SCAPER: variants seen among roughly 807,000 people sequenced by gnomAD.
The protein encoded by SCAPER is S-phase cyclin A associated protein in the ER.
A neutral mutation model predicts 182.2 loss-of-function variants in SCAPER; 98 were observed. The ratio of observed to expected loss-of-function variants is 0.54; its 90% CI spans 0.46 to 0.64. The LOEUF (loss-of-function observed/expected upper bound fraction) is 0.64, where lower values mean the gene tolerates loss of function less well. Among genes scored for constraint, SCAPER ranks in the 30% least tolerant of loss-of-function variants. The pLI, the probability that SCAPER is intolerant of heterozygous loss-of-function variation, is 0.00. For synonymous variants in SCAPER, 605 were observed against 564.6 expected, an observed-to-expected ratio of 1.07 and a Z score of -1.01; for missense variants, 1,432 against 1,690.0, an observed-to-expected ratio of 0.85 and a Z score of 2.68.
At chr15:76,502,588 G>T (rs2041234666) in intron 24 of SCAPER, among the ~76,000 whole-genome samples, 1 of 152,068 alleles carries the variant, frequency 6.6e-6, no homozygotes, top group Admixed American at 6.6e-5. Context: ...GGGAGGAGGG[G>T]GGAGGGATAG....
chr15:76,798,865 T>C lies in SCAPER; in HGVS notation c.611+1383A>G, dbSNP rs139762202. On this transcript the variant is annotated intron_variant, in intron 7 of 31. Coordinates refer to ENST00000563290, the MANE Select transcript of SCAPER (RefSeq NM_020843.4). ...CGAGAACATCTGTTCCTAACAGACC[T>C]GTCCAACAAGAAATACTAAAGGGAG... 2.7e-3 allele frequency among the ~76,000 whole-genome samples: 413 copies of C among 150,680 alleles called. 1 individual carries two copies. Among genetic ancestry groups the C allele is most frequent in the Middle Eastern group, 6.8e-3 (2 of 294 alleles).
chr15:76,445,185 C>T (rs1457222198), intron 25 of SCAPER, among the ~76,000 whole-genome samples: 1 of 152,102 alleles, frequency 6.6e-6, no homozygotes, highest in African/African-American at 2.4e-5. Context: ...CTTTGCATAC[C>T]CATAGCTTAG....
At chr15:76,827,653 G>C (rs2068122265) in intron 5 of SCAPER, among the ~76,000 whole-genome samples, 1 of 152,128 alleles carries the variant, frequency 6.6e-6, no homozygotes, top group African/African-American at 2.4e-5. Flanking sequence ...AGGAAAGAGG[G>C]AAGGAGCTTG....
At chr15:76,361,065 T>C (rs1349060470) in intron 29 of SCAPER, among the ~76,000 whole-genome samples, 1 of 150,994 alleles carries the variant, frequency 6.6e-6, no homozygotes, top group Non-Finnish European at 1.5e-5. Flanking sequence ...TAGTGAGTGA[T>C]CACGAATCTG....
chr15:76,547,482 T>C (rs157772), intron 23 of SCAPER, among the ~76,000 whole-genome samples: 147,851 of 152,232 alleles, frequency 0.97, 71,934 homozygotes, highest in South Asian at 1. Context: ...TGCATTACTT[T>C]CTGAAGAATT....
At chr15:76,462,636 C>T (rs1039723801) in intron 25 of SCAPER, among the ~76,000 whole-genome samples, 1 of 152,086 alleles carries the variant, frequency 6.6e-6, no homozygotes, top group East Asian at 1.9e-4. Context: ...GATGAAGGTA[C>T]AAGTGTCAGC....
intron 27 of SCAPER, among the ~76,000 whole-genome samples, chr15:76,385,784 G>A (rs757600830): frequency 1.3e-3 from 199 of 152,308 alleles, no homozygotes; most frequent in Admixed American, 5.8e-3. Context: ...GAGCACCTGT[G>A]ATGTGCAAGG....
At chr15:76,652,320 A>ACT (rs2055175443) in intron 21 of SCAPER, among the ~76,000 whole-genome samples, 1 of 44,496 alleles carries the variant, frequency 2.2e-5, no homozygotes, top group Non-Finnish European at 4.0e-5. Flanking sequence ...ACACACACAC[A>ACT]CACACACACA....
chr15:76,741,076 C>T (rs1045178488), intron 15 of SCAPER, among the ~76,000 whole-genome samples: 2 of 152,060 alleles, frequency 1.3e-5, no homozygotes, highest in Non-Finnish European at 2.9e-5. Flanking sequence ...ACGATAAACT[C>T]AAGAATTTCC....
At chr15:76,765,508 T>C in intron 12 of SCAPER, 54 bp from the exon 13 acceptor site, 2 of 1,609,138 alleles carry the variant, frequency 1.2e-6, no homozygotes, top group South Asian at 2.2e-5. Context: ...ATAAAACATT[T>C]GAGAACAAAC....
chr15:76,749,193 G>A (rs573236793), intron 15 of SCAPER, among the ~76,000 whole-genome samples: 5 of 151,688 alleles, frequency 3.3e-5, no homozygotes, highest in Admixed American at 6.6e-5. Flanking sequence ...AGAAATGCAC[G>A]GTTGGTTTAA....
At chr15:76,659,333 C>CA (rs2055929018) in intron 21 of SCAPER, among the ~76,000 whole-genome samples, 1 of 151,976 alleles carries the variant, frequency 6.6e-6, no homozygotes, top group South Asian at 2.1e-4. Context: ...TATAGTGGTA[C>CA]AATCACAGCT....
At chr15:76,361,136 C>T (rs2469223) in intron 29 of SCAPER, among the ~76,000 whole-genome samples, 146,985 of 152,144 alleles carry the variant, frequency 0.97, 71,218 homozygotes, top group South Asian at 1. Flanking sequence ...AAAATGACAA[C>T]TGTCAAATTC....
At position 76,775,258 on chromosome 15, in the gene SCAPER, TA is replaced by T. The variant is rs1338795538; in HGVS notation, c.773-142del. 1.8e-5 allele frequency: 12 copies of T among 672,750 alleles called. No homozygotes were observed. The East Asian group carries it at 3.4e-4, about 19-fold the overall frequency. The allele number at this position is 672,750 out of a possible 1,614,324, so 41.7% of individuals were successfully genotyped here. On this transcript the variant is annotated intron_variant, in intron 8 of 31. Transcript: ENST00000563290. ...AAACATGAGAGTATTATACAAAATG[TA>T]TATTTGTATATACATATTTAAATAA... is the stretch of plus-strand genomic sequence containing the variant.
intron 25 of SCAPER, among the ~76,000 whole-genome samples, chr15:76,446,537 T>C (rs1425126216): frequency 6.6e-6 from 1 of 152,220 alleles, no homozygotes; most frequent in African/African-American, 2.4e-5. Context: ...TATTTTCTCA[T>C]AGGTTGTTTT....
At position 76,695,047 on chromosome 15, in the gene SCAPER, A is replaced by G. The variant is rs183492395; in HGVS notation, c.2508+6711T>C. Among the ~76,000 whole-genome samples, 315 of 152,324 alleles carry G rather than the reference A, an allele frequency of 2.1e-3. 1 individual carries two copies. The highest frequency in any genetic ancestry group is 3.3e-3 in the Non-Finnish European group (224 of 68,010). ...AGGACCTTCTTTAAGATATTTATAA[A>G]AACCTATAAATTGATCAAATTAAAA... On this transcript the variant is annotated intron_variant, in intron 20 of 31. Transcript: ENST00000563290.
chr15:76,727,740 CA>C (rs2060676429), intron 17 of SCAPER, among the ~76,000 whole-genome samples: 1 of 150,848 alleles, frequency 6.6e-6, no homozygotes, highest in Non-Finnish European at 1.5e-5. Flanking sequence ...TTATGCTAAT[CA>C]AAAAACATCA....
chr15:76,548,688 A>T (rs561982345), intron 23 of SCAPER, among the ~76,000 whole-genome samples: 52 of 152,362 alleles, frequency 3.4e-4, no homozygotes, highest in Non-Finnish European at 6.5e-4. Flanking sequence ...AAAACAAGCA[A>T]TGGGGAAAGG....
intron 21 of SCAPER, among the ~76,000 whole-genome samples, chr15:76,631,729 A>C (rs549921302): frequency 2.0e-5 from 3 of 151,496 alleles, no homozygotes; most frequent in Non-Finnish European, 4.4e-5. Context: ...ATTTTCCTTT[A>C]CTCTGACCTT....
Sources: gnomAD v4.1 joint callset for allele counts (sites outside exome capture counted in the v4.1 genomes callset) on GRCh38, gnomAD v4.1.1 for gene constraint, MANE v1.5 for transcripts, NCBI Gene and HGNC (gene_info 2026-07-23, HGNC 2026-07-21) for gene names.